The following ITSN1 variants were observed in gnomAD, a reference collection of about 807,000 sequenced individuals.
ITSN1 encodes the protein intersectin 1, also known as intersectin-1.
In ITSN1, 58 loss-of-function variants were observed where a neutral mutation model predicts 239.8. The ratio of observed to expected loss-of-function variants is 0.24; its 90% CI spans 0.20 to 0.30. The LOEUF (loss-of-function observed/expected upper bound fraction) is 0.30, where lower values mean the gene tolerates loss of function less well. Ranked by LOEUF, ITSN1 falls within the 10% of genes least tolerant of loss-of-function variation. The pLI, the probability that ITSN1 is intolerant of heterozygous loss-of-function variation, is 1.00. For synonymous variants in ITSN1, 780 were observed against 770.8 expected, an observed-to-expected ratio of 1.01 and a Z score of -0.20; for missense variants, 1,558 against 2,103.3, an observed-to-expected ratio of 0.74 and a Z score of 5.07.
chr21:33,840,690 G>T (rs931168525), intron 29 of ITSN1, among the ~76,000 whole-genome samples: 2 of 152,034 alleles, frequency 1.3e-5, no homozygotes, highest in Admixed American at 6.6e-5. Flanking sequence ...TAGAGATGGG[G>T]TTTCACCATG....
At chr21:33,704,405 C>T (rs1036399863) in intron 1 of ITSN1, among the ~76,000 whole-genome samples, 1 of 152,152 alleles carries the variant, frequency 6.6e-6, no homozygotes, top group Non-Finnish European at 1.5e-5. Context: ...GGTTAGTTTA[C>T]CAGGCTAACT....
intron 1 of ITSN1, among the ~76,000 whole-genome samples, chr21:33,685,877 A>G (rs2091212242): frequency 6.6e-6 from 1 of 152,200 alleles, no homozygotes; most frequent in Non-Finnish European, 1.5e-5. Flanking sequence ...AATAATAATC[A>G]TAACTATTTC....
At chr21:33,767,883 T>C in intron 11 of ITSN1, 55 bp downstream of exon 11, 1 of 982,594 alleles carries the variant, frequency 1.0e-6, no homozygotes. Flanking sequence ...AATTAGAGAT[T>C]TCCTATCTCT....
chr21:33,859,299 C>T (rs1017737384), intron 31 of ITSN1, among the ~76,000 whole-genome samples: 40 of 152,192 alleles, frequency 2.6e-4, no homozygotes, highest in African/African-American at 8.9e-4. Context: ...CTTTAGTTTG[C>T]AGAGGCAGCT....
chr21:33,698,454 T>G (rs2091888152), intron 1 of ITSN1, among the ~76,000 whole-genome samples: 1 of 152,250 alleles, frequency 6.6e-6, no homozygotes. Flanking sequence ...GACAATGACC[T>G]TTTTCAGTTT....
At chr21:33,862,665 C>T (rs1009543777) in intron 31 of ITSN1, among the ~76,000 whole-genome samples, 3 of 152,064 alleles carry the variant, frequency 2.0e-5, no homozygotes, top group Non-Finnish European at 2.9e-5. Flanking sequence ...GCAGTCGTGG[C>T]GGGAGGTGGG....
intron 1 of ITSN1, among the ~76,000 whole-genome samples, chr21:33,676,472 C>T (rs944440021): frequency 2.6e-5 from 4 of 152,188 alleles, no homozygotes; most frequent in Admixed American, 2.6e-4. Flanking sequence ...AAGCAAACCT[C>T]CCACCTCAGC....
intron 1 of ITSN1, among the ~76,000 whole-genome samples, chr21:33,682,281 T>TGG (rs2091006934): frequency 6.7e-6 from 1 of 149,148 alleles, no homozygotes; most frequent in African/African-American, 2.5e-5. Context: ...AATGGCGCAA[T>TGG]CTCAGCTCAC....
intron 31 of ITSN1, among the ~76,000 whole-genome samples, chr21:33,861,790 C>T (rs1417083189): frequency 2.6e-5 from 4 of 151,496 alleles, no homozygotes; most frequent in African/African-American, 9.7e-5. Flanking sequence ...ACTAAAAATA[C>T]AAAAAAATAG....
Position 33,891,845 on chromosome 21 carries a change from G to T in ITSN1, c.*3545G>T, listed in dbSNP as rs763071816. 3 of 152,116 alleles carry T rather than the reference G, an allele frequency of 2.0e-5. No homozygotes were observed. The highest frequency in any genetic ancestry group is 2.4e-5 in the African/African-American group (1 of 41,414). The allele number at this position is 152,116 out of a possible 1,614,324, so 9.4% of individuals were successfully genotyped here. On this transcript the variant is annotated 3_prime_UTR_variant, in exon 40 of 40. Transcript: ENST00000381318. ...GACTTCTCTATCTCCACTCCAAGTC[G>T]TTTTTTTCTAGTTGATTGGGCCTTT...
chr21:33,799,811 A>G lies in ITSN1; in HGVS notation c.2186A>G (p.Lys729Arg), dbSNP rs1336515977. Reference sequence around the variant, plus strand: ...CCCCACCTTTTTTTGTAAACAGAAAAAGGTCCACTTACCATTTCTGCACAG... The same window carrying G: ...CCCCACCTTTTTTTGTAAACAGAAAGAGGTCCACTTACCATTTCTGCACAG... ...AVQAPWSTAE[K>R]GPLTISAQEN... The change falls in exon 19 of 40, where the codon AAA (lysine) becomes AGA (arginine). Residue 729 changes from lysine (K) to arginine (R), a missense_variant. By Grantham distance (26) the Lys-to-Arg change is conservative. Around this residue, in one of 2 missense-constraint regions of ITSN1, gnomAD observed 982 missense variants for 1,209.9 expected, o/e 0.81. Transcript: ENST00000381318. The G allele has an allele frequency of 1.2e-6, 2 of 1,613,416 alleles. No individual in the cohort carries two copies. The highest frequency in any genetic ancestry group is 1.6e-4 in the Middle Eastern group (1 of 6,082).
At chr21:33,863,000 C>G (rs1049796798) in intron 31 of ITSN1, among the ~76,000 whole-genome samples, 2 of 152,206 alleles carry the variant, frequency 1.3e-5, no homozygotes, top group Non-Finnish European at 2.9e-5. Context: ...TTCAAGTCCT[C>G]TCATCTGTAA....
chr21:33,873,654 T>C (rs996179277), intron 33 of ITSN1, among the ~76,000 whole-genome samples: 1 of 151,994 alleles, frequency 6.6e-6, no homozygotes, highest in Non-Finnish European at 1.5e-5. Flanking sequence ...GCAGATCACT[T>C]GAGGCCAGGA....
At chr21:33,689,674 G>T (rs1382550150) in intron 1 of ITSN1, among the ~76,000 whole-genome samples, 1 of 151,986 alleles carries the variant, frequency 6.6e-6, no homozygotes, top group East Asian at 1.9e-4. Context: ...TATCTCTAAA[G>T]AATAAAAAAT....
chr21:33,854,109 C>T (rs535094569), intron 29 of ITSN1, among the ~76,000 whole-genome samples: 38 of 152,282 alleles, frequency 2.5e-4, no homozygotes, highest in African/African-American at 7.0e-4. Flanking sequence ...GCCTGTGAAC[C>T]CAATGAAAGT....
At chr21:33,731,877 A>C (rs958710655) in intron 4 of ITSN1, among the ~76,000 whole-genome samples, 13 of 152,216 alleles carry the variant, frequency 8.5e-5, no homozygotes, top group Admixed American at 5.9e-4. Flanking sequence ...ATGAGTCACC[A>C]ATGGCCTGTG....
intron 1 of ITSN1, among the ~76,000 whole-genome samples, chr21:33,699,649 G>A (rs572122276): frequency 2.6e-5 from 4 of 152,250 alleles, no homozygotes; most frequent in African/African-American, 9.6e-5. Flanking sequence ...AGCCCTGGAT[G>A]TGGAGGTTGT....
At chr21:33,765,762 G>A in intron 9 of ITSN1, 113 bp from the exon 10 acceptor site, 1 of 1,038,886 alleles carries the variant, frequency 9.6e-7, no homozygotes, top group South Asian at 1.5e-5. Context: ...GAGGGACAAA[G>A]AGACTCAGTT....
intron 21 of ITSN1, among the ~76,000 whole-genome samples, chr21:33,812,505 T>C (rs925909581): frequency 6.6e-6 from 1 of 152,194 alleles, no homozygotes; most frequent in Non-Finnish European, 1.5e-5. Context: ...TTTTATTATT[T>C]ATTATTATTT....
Sources: gnomAD v4.1 joint callset for allele counts (sites outside exome capture counted in the v4.1 genomes callset) on GRCh38, gnomAD v4.1.1 for gene constraint, gnomAD v4.1.1 regional missense constraint, MANE v1.5 for transcripts, NCBI Gene and HGNC (gene_info 2026-07-23, HGNC 2026-07-21) for gene names.